The following KLC1 variants were observed in gnomAD, a reference collection of about 807,000 sequenced individuals.
KLC1 encodes kinesin light chain 1.
A neutral mutation model predicts 84.2 loss-of-function variants in KLC1; 30 were observed. The ratio of observed to expected loss-of-function variants is 0.36; its 90% CI spans 0.27 to 0.48. The LOEUF (loss-of-function observed/expected upper bound fraction) is 0.48. Among genes scored for constraint, KLC1 ranks in the 20% least tolerant of loss-of-function variants. The pLI is 0.99. For synonymous variants in KLC1, 289 were observed against 293.3 expected, an observed-to-expected ratio of 0.99 and a Z score of 0.15; for missense variants, 499 against 805.4, an observed-to-expected ratio of 0.62 and a Z score of 4.60.
intron 1 of KLC1, among the ~76,000 whole-genome samples, chr14:103,654,140 TC>T (rs2078673880): frequency 6.6e-6 from 1 of 152,220 alleles, no homozygotes. Flanking sequence ...TCTTTCTTCT[TC>T]CAGCTGTGTG....
At chr14:103,685,571 T>A (rs887442134) in intron 13 of KLC1, 7 of 1,289,240 alleles carry the variant, frequency 5.4e-6, no homozygotes, top group Non-Finnish European at 7.1e-6. Flanking sequence ...CAGGCTGTTA[T>A]GCAGAGCCTG....
intron 12 of KLC1, 92 bp from the exon 13 acceptor site, chr14:103,679,292 T>G (rs762847132): frequency 3.8e-5 from 55 of 1,447,208 alleles, no homozygotes; most frequent in South Asian, 1.8e-4. Flanking sequence ...AGAACTGTTT[T>G]TTTTTTTTTT....
intron 7 of KLC1, among the ~76,000 whole-genome samples, chr14:103,670,640 T>C (rs2080299837): frequency 6.6e-6 from 1 of 151,840 alleles, no homozygotes; most frequent in Non-Finnish European, 1.5e-5. Flanking sequence ...GGCGCTGTTT[T>C]TTGTGTTTTT....
chr14:103,658,923 C>T (rs1267344102), intron 3 of KLC1, among the ~76,000 whole-genome samples: 2 of 151,866 alleles, frequency 1.3e-5, no homozygotes, highest in African/African-American at 2.4e-5. Context: ...TCCCAAAGTG[C>T]TGGGATTACA....
chr14:103,690,186 A>G (rs953228407), intron 14 of KLC1, among the ~76,000 whole-genome samples: 19 of 152,308 alleles, frequency 1.2e-4, no homozygotes, highest in Non-Finnish European at 2.4e-4. Flanking sequence ...GTCTCAAAAA[A>G]AAAAAAAAGT....
chr14:103,669,607 A>G lies in KLC1; in HGVS notation c.885+9A>G, dbSNP rs1266426239. ...GCAAAGATCATCCTGCGGTTTGTAT[A>G]TCCAGTTCTTTCATTCTTTTAATAT... is the stretch of plus-strand genomic sequence containing the variant. On this transcript the variant is annotated intron_variant, in intron 6 of 16. Transcript: ENST00000334553. 2.1e-6 allele frequency: 3 copies of G among 1,435,688 alleles called. No homozygotes were observed. Among genetic ancestry groups the G allele is most frequent in the Non-Finnish European group, 2.9e-6 (3 of 1,022,642 alleles). The allele number at this position is 1,435,688 out of a possible 1,614,324, so 88.9% of individuals were successfully genotyped here. A position where few individuals can be genotyped will look rare whatever the true frequency, so the allele number is the denominator to read the frequency against.
intron 13 of KLC1, chr14:103,684,674 T>G (rs1230323731): frequency 3.8e-6 from 1 of 264,556 alleles, no homozygotes; most frequent in Non-Finnish European, 7.4e-6. Flanking sequence ...AGCTTGCTAC[T>G]CCAGCAGCTG....
At chr14:103,696,784 G>T (rs1056981913) in intron 15 of KLC1, 6 of 985,316 alleles carry the variant, frequency 6.1e-6, no homozygotes, top group Admixed American at 6.1e-5. Context: ...GGGTCAGGGC[G>T]CGTGGTCCCT....
chr14:103,653,233 T>C (rs2078598198), intron 1 of KLC1, among the ~76,000 whole-genome samples: 1 of 152,202 alleles, frequency 6.6e-6, no homozygotes. Context: ...CACCTCAAAT[T>C]CCTGGACTCA....
At chr14:103,699,493 C>T (rs1465099739) in intron 15 of KLC1, 5 of 1,612,806 alleles carry the variant, frequency 3.1e-6, no homozygotes, top group African/African-American at 2.7e-5. Context: ...ATGGGGCTGC[C>T]ACCGAGTCGA....
At chr14:103,678,668 CA>C (rs1831867136) in intron 12 of KLC1, among the ~76,000 whole-genome samples, 1 of 150,258 alleles carries the variant, frequency 6.7e-6, no homozygotes, top group African/African-American at 2.5e-5. Context: ...CCAGTCTGGG[CA>C]ACAGAGCGAG....
At position 103,693,442 on chromosome 14, in the gene KLC1, C is replaced by G. The variant is rs1215058859; in HGVS notation, c.1848+1017C>G. The G allele has an allele frequency of 1.3e-6, 2 of 1,499,876 alleles. No homozygotes were observed. The highest frequency in any genetic ancestry group is 1.8e-6 in the Non-Finnish European group (2 of 1,126,242). 92.9% of individuals were successfully genotyped at this position (1,499,876 alleles called of 1,614,324 possible). A position where few individuals can be genotyped will look rare whatever the true frequency, so the allele number is the denominator to read the frequency against. On this transcript the variant is annotated intron_variant, in intron 15 of 16. Transcript: ENST00000334553. The surrounding 1 kb of genome is among the most constrained non-coding windows in gnomAD (Gnocchi z 5.1). ...CATTGACCCCTGGGCCTCTCGAGTG[C>G]CAACCTAGATTTAGCTGTGCAGCTG...
intron 8 of KLC1, 68 bp from the exon 9 acceptor site, chr14:103,673,264 G>A (rs2080569724): frequency 1.3e-6 from 2 of 1,558,674 alleles, no homozygotes; most frequent in Non-Finnish European, 1.7e-6. Context: ...TCATTTAACT[G>A]GAGATTAAAA....
At position 103,673,398 on chromosome 14, in the gene KLC1, C is replaced by T. The variant is rs2080579779; in HGVS notation, c.1228C>T (p.Arg410Cys). 3.4e-5 allele frequency: 54 copies of T among 1,608,522 alleles called. No homozygotes were observed. Among genetic ancestry groups the T allele is most frequent in the Non-Finnish European group, 4.2e-5 (50 of 1,178,242 alleles). ...AETLYKEILT[R>C]AHEREFGSVD... is the part of the protein sequence containing the mutation. ...AACACTGTACAAAGAGATTCTCACT[C>T]GTGCACATGAAAGGGAGTTTGGTTC... The change falls in exon 9 of 17, where the codon CGT (arginine) becomes TGT (cysteine). Residue 410 changes from arginine to cysteine, a missense_variant. Physicochemically the swap from Arg to Cys is radical, Grantham distance 180 (BLOSUM62 -3). This residue lies in a region of KLC1 where 153 missense variants were observed against 332.4 expected (regional missense o/e 0.46). Transcript: ENST00000334553.
At chr14:103,650,704 G>T (rs554262555) in intron 1 of KLC1, among the ~76,000 whole-genome samples, 1 of 149,368 alleles carries the variant, frequency 6.7e-6, no homozygotes. Flanking sequence ...TCAACCTCCC[G>T]AGTAGCTGGG....
Position 103,693,086 on chromosome 14 carries a change from C to T in KLC1, c.1848+661C>T, listed in dbSNP as rs551614858. ...GGTGCCTGGGGCCCACCCGGCAGCTCGAGCTGTTGGGACTTGGCAGTCCCT... is the reference window on the plus strand; with the variant it reads ...GGTGCCTGGGGCCCACCCGGCAGCTTGAGCTGTTGGGACTTGGCAGTCCCT... On this transcript the variant is annotated intron_variant, in intron 15 of 16. Transcript: ENST00000334553. This position sits in a 1 kb window ranked among gnomAD's most constrained non-coding sequence, Gnocchi z 5.1. Among the ~76,000 whole-genome samples the T allele has an allele frequency of 2.6e-5, 4 of 152,332 alleles. No homozygotes were observed. The highest frequency in any genetic ancestry group is 1.3e-4 in the Admixed American group (2 of 15,302).
Position 103,687,127 on chromosome 14 carries a change from G to A in KLC1, c.1697G>A (p.Arg566Gln). 6.5e-6 allele frequency: 10 copies of A among 1,547,116 alleles called. No homozygotes were observed. The highest frequency in any genetic ancestry group is 8.7e-6 in the Non-Finnish European group (10 of 1,143,456). Residue 566 changes from arginine to glutamine, a missense_variant, in exon 14 of 17, where the codon CGG (arginine) becomes CAG (glutamine). Physicochemically the swap from Arg to Gln is conservative, Grantham distance 43 (BLOSUM62 1). This residue lies in a region of KLC1 where 167 missense variants were observed against 208.8 expected (regional missense o/e 0.80). Transcript: ENST00000334553. ...LKRSGSFSKL[R>Q]ASIRRSSEKL... The stretch of plus-strand genomic sequence containing the variant: ...CGCAGTGGTTCCTTTAGCAAACTCC[G>A]GGCTTCCATTAGACGCAGCAGTGAG...
intron 13 of KLC1, chr14:103,685,621 T>G (rs1243985451): frequency 1.6e-6 from 2 of 1,289,356 alleles, no homozygotes; most frequent in Non-Finnish European, 2.0e-6. Flanking sequence ...GTTTTCTCTC[T>G]CCTTTCTGTC....
rs554244728 is a variant in KLC1 at position 103,699,822 on chromosome 14, C to G, written c.1849-833C>G. The G allele has an allele frequency of 2.1e-4, 119 of 560,530 alleles. No individual in the cohort carries two copies. The South Asian group carries it at 2.2e-3, about 10-fold the overall frequency. The allele number at this position is 560,530 out of a possible 1,614,324, so 34.7% of individuals were successfully genotyped here. A position where few individuals can be genotyped will look rare whatever the true frequency, so the allele number is the denominator to read the frequency against. ...GCCCCATGTCCTTCCTCTGGCCCCCCCAGGCAGTCACCCCTTGGCTGTGCC... is the reference window on the plus strand; with the variant it reads ...GCCCCATGTCCTTCCTCTGGCCCCCGCAGGCAGTCACCCCTTGGCTGTGCC... On this transcript the variant is annotated intron_variant, in intron 15 of 16. Transcript: ENST00000334553.
Sources: gnomAD v4.1 joint callset for allele counts (sites outside exome capture counted in the v4.1 genomes callset) on GRCh38, gnomAD v4.1.1 for gene constraint, gnomAD v4.1.1 regional missense constraint, Gnocchi (gnomAD v3.1) non-coding constraint, MANE v1.5 for transcripts, NCBI Gene and HGNC (gene_info 2026-07-23, HGNC 2026-07-21) for gene names.